TECTA: variants seen among roughly 807,000 people sequenced by gnomAD.
TECTA encodes the protein tectorin alpha, also known as alpha-tectorin.
TECTA carries 128 observed loss-of-function variants against 216.8 expected under a neutral mutation model. The observed-to-expected ratio is 0.59, with a 90% CI of 0.51 to 0.68. TECTA has a LOEUF of 0.68. Among genes scored for constraint, TECTA ranks in the 30% least tolerant of loss-of-function variants. TECTA has a pLI of 0.00. For synonymous variants in TECTA, 1,089 were observed against 1,117.1 expected, an observed-to-expected ratio of 0.97 and a Z score of 0.50; for missense variants, 2,551 against 2,786.2, an observed-to-expected ratio of 0.92 and a Z score of 1.90.
chr11:121,157,385 A>G (rs1946951963), intron 13 of TECTA, among the ~76,000 whole-genome samples: 1 of 151,946 alleles, frequency 6.6e-6, no homozygotes. Flanking sequence ...CAGGAGGATC[A>G]CTCGAGCCTA....
At chr11:121,133,708 G>A (rs537907063) in intron 10 of TECTA, among the ~76,000 whole-genome samples, 3 of 152,246 alleles carry the variant, frequency 2.0e-5, no homozygotes, top group Non-Finnish European at 4.4e-5. Context: ...TCAGCCTCCC[G>A]GGCAGGTGCC....
chr11:121,187,396 TG>T (rs1443932617), intron 20 of TECTA, among the ~76,000 whole-genome samples: 1 of 152,240 alleles, frequency 6.6e-6, no homozygotes, highest in Non-Finnish European at 1.5e-5. Context: ...TTTTGACGCA[TG>T]GGAAGTATTC....
At chr11:121,164,868 G>A (rs1010747071) in intron 16 of TECTA, among the ~76,000 whole-genome samples, 1 of 152,132 alleles carries the variant, frequency 6.6e-6, no homozygotes, top group African/African-American at 2.4e-5. Context: ...TAAATGATCT[G>A]GATGCTACTC....
In TECTA at chr11:121,105,461, T is replaced by C. The variant is rs1343697314; in HGVS notation, c.65-370T>C. On this transcript the variant is annotated intron_variant, in intron 2 of 23. Coordinates refer to ENST00000392793, the MANE Select transcript of TECTA (RefSeq NM_005422.4). The surrounding 1 kb of genome is among the most constrained non-coding windows in gnomAD (Gnocchi z 5.3). ...GAATTCTTGAGCTAGAACAGGAGCT[T>C]CAAAACTGTGGCCATGCCAGACCTA... 6.6e-6 allele frequency among the ~76,000 whole-genome samples: 1 copy of C among 152,186 alleles called. No homozygotes were observed. Among genetic ancestry groups the C allele is most frequent in the African/African-American group, 2.4e-5 (1 of 41,450 alleles).
At chr11:121,188,027 C>T in intron 21 of TECTA, 33 bp downstream of exon 21, 1 of 1,613,042 alleles carries the variant, frequency 6.2e-7, no homozygotes, top group African/African-American at 1.3e-5. Context: ...AGTGCTTAGC[C>T]TTATTTCTCA....
intron 20 of TECTA, among the ~76,000 whole-genome samples, chr11:121,177,073 C>T (rs1244802490): frequency 1.3e-5 from 2 of 152,178 alleles, no homozygotes; most frequent in Admixed American, 6.5e-5. Context: ...GTTATACATT[C>T]GTCTAAATTT....
chr11:121,184,953 G>T (rs987968738), intron 20 of TECTA, among the ~76,000 whole-genome samples: 5 of 152,024 alleles, frequency 3.3e-5, no homozygotes, highest in African/African-American at 1.2e-4. Context: ...TATTCCTTTC[G>T]CAACATAAAA....
intron 20 of TECTA, among the ~76,000 whole-genome samples, chr11:121,181,116 G>A (rs1947224098): frequency 6.6e-6 from 1 of 152,040 alleles, no homozygotes; most frequent in South Asian, 2.1e-4. Context: ...AGTGAGCTGA[G>A]ATCTCACCAC....
chr11:121,123,062 G>A (rs184800569), intron 7 of TECTA, among the ~76,000 whole-genome samples: 10 of 152,238 alleles, frequency 6.6e-5, no homozygotes, highest in African/African-American at 1.7e-4. Flanking sequence ...TCATCTCATC[G>A]CCTAGACAAC....
At chr11:121,142,959 A>G (rs1197799470) in intron 11 of TECTA, among the ~76,000 whole-genome samples, 8 of 152,102 alleles carry the variant, frequency 5.3e-5, no homozygotes, top group Non-Finnish European at 1.0e-4. Context: ...CTTGCCCCCA[A>G]TTCCCTACTA....
intron 13 of TECTA, among the ~76,000 whole-genome samples, chr11:121,157,346 C>T (rs889203889): frequency 6.6e-6 from 1 of 151,986 alleles, no homozygotes; most frequent in Non-Finnish European, 1.5e-5. Context: ...GGCTCATACC[C>T]GTAATCCAAG....
intron 7 of TECTA, among the ~76,000 whole-genome samples, chr11:121,118,996 C>CACACACACACACAA (rs1365989990): frequency 3.5e-4 from 15 of 42,730 alleles, no homozygotes; most frequent in African/African-American, 1.2e-3. Flanking sequence ...CTGATAGGCA[C>CACACACACACACAA]ACACACACAC....
At chr11:121,176,316 T>A (rs1399397608) in intron 20 of TECTA, among the ~76,000 whole-genome samples, 1 of 151,060 alleles carries the variant, frequency 6.6e-6, no homozygotes. Flanking sequence ...GTTTTTGCAG[T>A]GGCTGGTACC....
chr11:121,109,246 A>G lies in TECTA; in HGVS notation c.234A>G (p.Leu78=). 1 of 1,614,162 alleles carries G rather than the reference A, an allele frequency of 6.2e-7. No individual in the cohort carries two copies. Residue 78 remains leucine, a synonymous_variant, in exon 4 of 24, where the codon CTA becomes CTG. Transcript: ENST00000392793. ...NNNGVVSFNV[L]VSQFTPESFP... Reference sequence around the variant, plus strand: ...ACGGAGTTGTTTCCTTCAATGTGCTAGTGAGCCAGTTCACGCCAGAATCCT... The same window carrying G: ...ACGGAGTTGTTTCCTTCAATGTGCTGGTGAGCCAGTTCACGCCAGAATCCT...
intron 12 of TECTA, among the ~76,000 whole-genome samples, chr11:121,151,197 C>T (rs1946886240): frequency 6.6e-6 from 1 of 152,274 alleles, no homozygotes; most frequent in Non-Finnish European, 1.5e-5. Context: ...TGTGGGAAAA[C>T]AAACCTCCTC....
Position 121,160,131 on chromosome 11 carries a change from A to G in TECTA, c.4690-4A>G, listed in dbSNP as rs371138718. 6 of 1,614,138 alleles carry G rather than the reference A, an allele frequency of 3.7e-6. No homozygotes were observed. Among genetic ancestry groups the G allele is most frequent in the Non-Finnish European group, 3.4e-6 (4 of 1,180,030 alleles). ...AATTATTTTCTTTTTTCCTCCTCCA[A>G]TAGGTGAATGGCACACAAGTGAATG... On this transcript the variant is annotated splice_polypyrimidine_tract_variant and splice_region_variant and intron_variant, in intron 14 of 23. Transcript: ENST00000392793.
intron 20 of TECTA, among the ~76,000 whole-genome samples, chr11:121,186,953 G>A (rs1048211313): frequency 6.6e-6 from 1 of 152,174 alleles, no homozygotes; most frequent in South Asian, 2.1e-4. Flanking sequence ...TAGTGCATTG[G>A]AGACACAGTA....
At chr11:121,149,802 C>T (rs1053582128) in intron 12 of TECTA, among the ~76,000 whole-genome samples, 12 of 152,226 alleles carry the variant, frequency 7.9e-5, no homozygotes, top group African/African-American at 2.9e-4. Flanking sequence ...GAGCCCAGGT[C>T]ATCACGCCAC....
chr11:121,162,040 C>T (rs1240077516), intron 15 of TECTA, 35 bp from the exon 16 acceptor site: 36 of 1,612,640 alleles, frequency 2.2e-5, no homozygotes, highest in Non-Finnish European at 2.9e-5. Context: ...TTGGAGATCT[C>T]AGATGGCTGT....
Sources: gnomAD v4.1 joint callset for allele counts (sites outside exome capture counted in the v4.1 genomes callset) on GRCh38, gnomAD v4.1.1 for gene constraint, Gnocchi (gnomAD v3.1) non-coding constraint, MANE v1.5 for transcripts, NCBI Gene and HGNC (gene_info 2026-07-23, HGNC 2026-07-21) for gene names.